TXK: variants seen among roughly 807,000 people sequenced by gnomAD.
TXK encodes the protein TXK tyrosine kinase, also known as tyrosine-protein kinase TXK.
Under a neutral mutation model 81.0 loss-of-function variants are expected in TXK, and 60 were observed. That is an observed-to-expected ratio of 0.74 (90% CI 0.60 to 0.92). TXK has a LOEUF of 0.92. Ranked by LOEUF, TXK falls within the 40% of genes least tolerant of loss-of-function variation. The pLI is 0.00. For synonymous variants in TXK, 203 were observed against 210.7 expected, an observed-to-expected ratio of 0.96 and a Z score of 0.32; for missense variants, 581 against 638.3, an observed-to-expected ratio of 0.91 and a Z score of 0.97.
At chr4:48,098,368 T>C (rs1718065549) in intron 6 of TXK, among the ~76,000 whole-genome samples, 1 of 152,190 alleles carries the variant, frequency 6.6e-6, no homozygotes, top group Non-Finnish European at 1.5e-5. Context: ...TAATTCAGTA[T>C]TTGGGATTTT....
intron 1 of TXK, among the ~76,000 whole-genome samples, chr4:48,123,202 A>C (rs1270230512): frequency 7.2e-5 from 11 of 152,238 alleles, no homozygotes; most frequent in African/African-American, 2.7e-4. Flanking sequence ...AAGAAAAGGA[A>C]AAACCCAGAA....
intron 4 of TXK, among the ~76,000 whole-genome samples, chr4:48,111,243 T>C (rs1718625098): frequency 6.6e-6 from 1 of 152,178 alleles, no homozygotes; most frequent in Admixed American, 6.5e-5. Flanking sequence ...GACATATTAT[T>C]GAGAAATAAA....
chr4:48,083,357 C>T (rs2109414580), intron 10 of TXK, among the ~76,000 whole-genome samples: 1 of 152,364 alleles, frequency 6.6e-6, no homozygotes, highest in South Asian at 2.1e-4. Context: ...CTCATGTTGT[C>T]CTGCCTTTCC....
chr4:48,113,769 G>A (rs563099935), intron 2 of TXK, among the ~76,000 whole-genome samples: 1 of 152,062 alleles, frequency 6.6e-6, no homozygotes, highest in Non-Finnish European at 1.5e-5. Context: ...GGTAAGCAAT[G>A]TAACCTCTCT....
chr4:48,096,056 T>C (rs542870497), intron 6 of TXK, among the ~76,000 whole-genome samples: 2 of 152,326 alleles, frequency 1.3e-5, no homozygotes, highest in Admixed American at 6.5e-5. Flanking sequence ...GCTTGAGAAT[T>C]GCAGAACCCA....
In TXK at chr4:48,134,192, C is replaced by A. The variant is rs1719320631; in HGVS notation, c.-22G>T. 6.2e-7 allele frequency: 1 copy of A among 1,612,934 alleles called. No homozygotes were observed. Among genetic ancestry groups the A allele is most frequent in the East Asian group, 2.2e-5 (1 of 44,880 alleles). On this transcript the variant is annotated 5_prime_UTR_variant, in exon 1 of 15. Transcript: ENST00000264316. Reference sequence around the variant, plus strand: ...TCATGGTAGCCCCTTCTGCGGGGAGCACACAACAGTCTTCAGTTCTTCTGC... The same window carrying A: ...TCATGGTAGCCCCTTCTGCGGGGAGAACACAACAGTCTTCAGTTCTTCTGC...
intron 1 of TXK, among the ~76,000 whole-genome samples, chr4:48,120,153 A>G (rs1466157483): frequency 1.8e-5 from 1 of 55,970 alleles, no homozygotes; most frequent in African/African-American, 8.0e-5. Context: ...ATATGTATAT[A>G]TGCATATATA....
intron 1 of TXK, among the ~76,000 whole-genome samples, chr4:48,120,529 C>T (rs1049980557): frequency 6.7e-6 from 1 of 150,212 alleles, no homozygotes. Context: ...CTCGCTCTGT[C>T]GCCGAGACTG....
chr4:48,078,519 A>T (rs3852106), intron 11 of TXK, among the ~76,000 whole-genome samples: 33 of 152,092 alleles, frequency 2.2e-4, no homozygotes, highest in Non-Finnish European at 5.9e-5. Context: ...GAGACATGGA[A>T]GAACATAAGG....
At chr4:48,113,550 C>T (rs571751872) in intron 2 of TXK, among the ~76,000 whole-genome samples, 1 of 152,294 alleles carries the variant, frequency 6.6e-6, no homozygotes, top group African/African-American at 2.4e-5. Context: ...ATTGAGAAAA[C>T]ATGTCACATT....
chr4:48,074,388 A>G (rs183961043), intron 12 of TXK, among the ~76,000 whole-genome samples: 59 of 152,358 alleles, frequency 3.9e-4, no homozygotes, highest in Non-Finnish European at 7.2e-4. Flanking sequence ...AAAAGGAAAT[A>G]AAAGACCACT....
intron 12 of TXK, among the ~76,000 whole-genome samples, chr4:48,074,933 C>G (rs144253384): frequency 4.6e-5 from 7 of 152,066 alleles, no homozygotes; most frequent in African/African-American, 1.4e-4. Context: ...CTAGGCTCTT[C>G]AGAGAAGAAA....
In TXK at chr4:48,067,629, G is replaced by T. The variant is rs1471786180; in HGVS notation, c.*8C>A. ...AGATGACTCTTTGGGTTGGCATTCT[G>T]TTTCCGGTCACCAGGTTTCCGCAAT... On this transcript the variant is annotated 3_prime_UTR_variant, in exon 15 of 15. Coordinates refer to ENST00000264316, the MANE Select transcript of TXK (RefSeq NM_003328.3). The T allele has an allele frequency of 6.2e-7, 1 of 1,613,968 alleles. No homozygotes were observed.
chr4:48,110,524 T>G lies in TXK; in HGVS notation c.446+14A>C. 2 of 1,584,904 alleles carry G rather than the reference T, an allele frequency of 1.3e-6. No individual in the cohort carries two copies. Among genetic ancestry groups the G allele is most frequent in the Non-Finnish European group, 1.7e-6 (2 of 1,154,444 alleles). On this transcript the variant is annotated intron_variant, in intron 5 of 14. Coordinates refer to ENST00000264316, the MANE Select transcript of TXK (RefSeq NM_003328.3). The stretch of plus-strand genomic sequence containing the variant: ...TCCCTGATTTTCATAGGTTATATTT[T>G]GGAGAAGACTTACTCATATATTTCT...
intron 1 of TXK, among the ~76,000 whole-genome samples, chr4:48,118,534 C>T (rs1442531311): frequency 6.6e-6 from 1 of 152,188 alleles, no homozygotes; most frequent in South Asian, 2.1e-4. Flanking sequence ...TCAGATAACA[C>T]CCAGCTCACG....
At chr4:48,114,482 C>A (rs889515032) in intron 1 of TXK, 80 bp from the exon 2 acceptor site, 3 of 1,398,264 alleles carry the variant, frequency 2.1e-6, no homozygotes, top group Non-Finnish European at 3.0e-6. Flanking sequence ...AAGGGTGAGA[C>A]GAATTATTAT....
At chr4:48,124,649 G>C (rs553335095) in intron 1 of TXK, among the ~76,000 whole-genome samples, 30 of 151,946 alleles carry the variant, frequency 2.0e-4, no homozygotes, top group African/African-American at 6.8e-4. Context: ...GTGACCTTTT[G>C]ACTGAGTGGA....
chr4:48,115,782 G>T (rs1718795515), intron 1 of TXK, among the ~76,000 whole-genome samples: 1 of 152,078 alleles, frequency 6.6e-6, no homozygotes, highest in Non-Finnish European at 1.5e-5. Flanking sequence ...TTGAGCCTGG[G>T]AGATGGAGGC....
At chr4:48,088,801 A>T (rs997279773) in intron 9 of TXK, among the ~76,000 whole-genome samples, 5 of 152,186 alleles carry the variant, frequency 3.3e-5, no homozygotes, top group African/African-American at 4.8e-5. Flanking sequence ...ATAGCCAGAA[A>T]TCTTGCTTCC....
Sources: gnomAD v4.1 joint callset for allele counts (sites outside exome capture counted in the v4.1 genomes callset) on GRCh38, gnomAD v4.1.1 for gene constraint, MANE v1.5 for transcripts, NCBI Gene and HGNC (gene_info 2026-07-23, HGNC 2026-07-21) for gene names.